The following RGS7 variants were observed in gnomAD, a reference collection of about 807,000 sequenced individuals.
The protein encoded by RGS7 is regulator of G-protein signaling 7.
Under a neutral mutation model 81.1 loss-of-function variants are expected in RGS7, and 27 were observed. The ratio of observed to expected loss-of-function variants is 0.33; its 90% CI spans 0.25 to 0.46. RGS7 has a LOEUF of 0.46. RGS7 is among the 20% of genes least tolerant of loss of function. The probability of loss-of-function intolerance (pLI) is 1.00; values close to 1 mark genes in which losing one functional copy is unlikely to be tolerated. For synonymous variants in RGS7, 208 were observed against 207.7 expected (o/e 1.00, Z -0.01); for missense variants, 396 against 607.4 (o/e 0.65, Z 3.66).
chr1:240,851,992 A>G (rs1326888739), intron 9 of RGS7, among the ~76,000 whole-genome samples: 2 of 152,242 alleles, frequency 1.3e-5, no homozygotes, highest in East Asian at 3.8e-4. Flanking sequence ...TTAGAATATT[A>G]TATAAACTTA....
At chr1:241,200,052 A>T (rs61248394) in intron 2 of RGS7, among the ~76,000 whole-genome samples, 29,664 of 152,156 alleles carry the variant, frequency 0.19, 3,541 homozygotes, top group Admixed American at 0.27. Flanking sequence ...AATAAACGTT[A>T]GATGAATTTT....
chr1:241,171,884 C>G (rs6429250), intron 2 of RGS7, among the ~76,000 whole-genome samples: 24,719 of 152,174 alleles, frequency 0.16, 2,878 homozygotes, highest in African/African-American at 0.32. Flanking sequence ...TCAGAGCTAA[C>G]GCATCCTGTG....
intron 2 of RGS7, among the ~76,000 whole-genome samples, chr1:241,324,901 G>C (rs779338997): frequency 4.1e-4 from 62 of 152,100 alleles, no homozygotes; most frequent in Non-Finnish European, 7.9e-4. Context: ...CTTGGTCATA[G>C]AGTATTCTGT....
intron 4 of RGS7, among the ~76,000 whole-genome samples, chr1:240,954,171 A>G (rs1046223355): frequency 6.6e-6 from 1 of 152,054 alleles, no homozygotes; most frequent in South Asian, 2.1e-4. Context: ...AATTCTATCA[A>G]ACATTTAGGG....
chr1:240,902,485 T>C (rs1235375244), intron 6 of RGS7, among the ~76,000 whole-genome samples: 2 of 152,218 alleles, frequency 1.3e-5, no homozygotes, highest in Non-Finnish European at 2.9e-5. Context: ...CATGATTATA[T>C]GCATGAGCCC....
intron 3 of RGS7, among the ~76,000 whole-genome samples, chr1:241,019,182 T>C (rs2059419300): frequency 6.6e-6 from 1 of 152,168 alleles, no homozygotes; most frequent in East Asian, 1.9e-4. Context: ...ACTATTTAAA[T>C]GTTCCTGCTA....
At chr1:241,216,806 G>A (rs1236887762) in intron 2 of RGS7, among the ~76,000 whole-genome samples, 2 of 152,292 alleles carry the variant, frequency 1.3e-5, no homozygotes, top group East Asian at 3.9e-4. Flanking sequence ...ATATAAACTT[G>A]GAACTGGTAT....
rs149481776 is a variant in RGS7 at position 241,094,238 on chromosome 1, A to AACACACACAC, written c.175+4418_175+4427dup. On this transcript the variant is annotated intron_variant, in intron 3 of 18. Transcript: ENST00000440928. Reference sequence around the variant, plus strand: ...ATTGCCTCAGTGCCAGACATACATAAACACACACACACACACACACACACA... The same window carrying AACACACACAC: ...ATTGCCTCAGTGCCAGACATACATAAACACACACACACACACACACACACACACACACACA... Among the ~76,000 whole-genome samples, 234 of 136,460 alleles carry AACACACACAC rather than the reference A, an allele frequency of 1.7e-3. 1 individual carries two copies. Among genetic ancestry groups the AACACACACAC allele is most frequent in the African/African-American group, 5.6e-3 (212 of 38,158 alleles). The allele number at this position is 136,460 out of a possible 152,430, so 89.5% of individuals were successfully genotyped here. A position where few individuals can be genotyped will look rare whatever the true frequency, so the allele number is the denominator to read the frequency against.
chr1:241,280,990 G>A (rs572356337), intron 2 of RGS7, among the ~76,000 whole-genome samples: 2 of 152,176 alleles, frequency 1.3e-5, no homozygotes, highest in East Asian at 3.9e-4. Flanking sequence ...ATACTACAAA[G>A]TTTGTTAGAG....
chr1:241,178,092 G>C (rs1179211084), intron 2 of RGS7, among the ~76,000 whole-genome samples: 3 of 152,102 alleles, frequency 2.0e-5, no homozygotes, highest in Non-Finnish European at 4.4e-5. Context: ...TTCAAGAAAA[G>C]CCTGGGCAAT....
chr1:241,113,295 T>G (rs1368968967), intron 2 of RGS7, among the ~76,000 whole-genome samples: 5 of 152,208 alleles, frequency 3.3e-5, no homozygotes, highest in African/African-American at 1.2e-4. Flanking sequence ...GACTATTATC[T>G]TATGGCTAGA....
intron 2 of RGS7, among the ~76,000 whole-genome samples, chr1:241,296,654 G>C (rs1178743816): frequency 6.6e-6 from 1 of 152,206 alleles, no homozygotes; most frequent in Non-Finnish European, 1.5e-5. Context: ...GCAACCAACA[G>C]AGCAACTGTT....
chr1:240,987,329 G>A (rs992904565), intron 3 of RGS7, among the ~76,000 whole-genome samples: 46 of 152,104 alleles, frequency 3.0e-4, no homozygotes, highest in African/African-American at 1.0e-3. Context: ...TAGAAGGTGC[G>A]CAAATTATTC....
intron 2 of RGS7, among the ~76,000 whole-genome samples, chr1:241,165,555 T>C (rs1317239931): frequency 1.4e-5 from 2 of 146,578 alleles, no homozygotes. Context: ...CCGCATATTC[T>C]CACTCATAGG....
At chr1:241,039,338 T>C (rs1247199360) in intron 3 of RGS7, among the ~76,000 whole-genome samples, 2 of 151,750 alleles carry the variant, frequency 1.3e-5, no homozygotes, top group South Asian at 2.1e-4. Flanking sequence ...CTTCTGTTCA[T>C]AGATAAACCA....
intron 2 of RGS7, among the ~76,000 whole-genome samples, chr1:241,295,718 T>C (rs2148474774): frequency 6.6e-6 from 1 of 152,312 alleles, no homozygotes; most frequent in African/African-American, 2.4e-5. Flanking sequence ...GCTGTCTTTC[T>C]AGAGATTCCG....
At chr1:240,887,225 G>GTT (rs60215189) in intron 6 of RGS7, among the ~76,000 whole-genome samples, 1 of 135,186 alleles carries the variant, frequency 7.4e-6, no homozygotes, top group African/African-American at 3.4e-5. Flanking sequence ...TGAGTATATA[G>GTT]GTTTTTTTTT....
intron 4 of RGS7, among the ~76,000 whole-genome samples, chr1:240,977,228 T>A (rs1432830415): frequency 6.6e-6 from 1 of 152,090 alleles, no homozygotes; most frequent in East Asian, 1.9e-4. Context: ...AAATTCTTCC[T>A]TCCAATCCCC....
At chr1:240,877,128 A>G (rs1235753087) in intron 6 of RGS7, among the ~76,000 whole-genome samples, 3 of 152,160 alleles carry the variant, frequency 2.0e-5, no homozygotes, top group African/African-American at 7.2e-5. Context: ...TCAACAAGAT[A>G]CTAGATCATC....
Sources: gnomAD v4.1 joint callset for allele counts (sites outside exome capture counted in the v4.1 genomes callset) on GRCh38, gnomAD v4.1.1 for gene constraint, MANE v1.5 for transcripts, NCBI Gene and HGNC (gene_info 2026-07-23, HGNC 2026-07-21) for gene names.